RFX3: variants seen among roughly 807,000 people sequenced by gnomAD.
The protein encoded by RFX3 is regulatory factor X3, also known as transcription factor RFX3.
RFX3 carries 14 observed loss-of-function variants against 98.6 expected under a neutral mutation model. The observed-to-expected ratio is 0.14, with a 90% CI of 0.09 to 0.22. The LOEUF (loss-of-function observed/expected upper bound fraction) is 0.22, where lower values mean the gene tolerates loss of function less well. Ranked by LOEUF, RFX3 falls within the 10% of genes least tolerant of loss-of-function variation. RFX3 has a pLI of 1.00. For missense variants in RFX3, 639 were observed against 926.9 expected (o/e 0.69, Z 4.03); for synonymous variants, 383 against 328.4 (o/e 1.17, Z -1.80).
intron 7 of RFX3, among the ~76,000 whole-genome samples, chr9:3,282,508 T>TACA (rs1357665221): frequency 4.0e-5 from 6 of 151,472 alleles, no homozygotes; most frequent in African/African-American, 1.5e-4. Flanking sequence ...AAAATCAGAG[T>TACA]TGTGGGTCAT....
At chr9:3,522,863 T>A (rs1425095633) in intron 1 of RFX3, among the ~76,000 whole-genome samples, 1 of 152,160 alleles carries the variant, frequency 6.6e-6, no homozygotes, top group African/African-American at 2.4e-5. Flanking sequence ...AAATTAACCA[T>A]AATAAATTGT....
chr9:3,259,900 G>T (rs182656874), intron 13 of RFX3, among the ~76,000 whole-genome samples: 1 of 152,074 alleles, frequency 6.6e-6, no homozygotes, highest in Non-Finnish European at 1.5e-5. Context: ...TTAAATAGAA[G>T]TCTCCTTATT....
At chr9:3,501,972 C>G (rs1356782727) in intron 1 of RFX3, among the ~76,000 whole-genome samples, 2 of 151,944 alleles carry the variant, frequency 1.3e-5, no homozygotes. Flanking sequence ...TCACTTTCGG[C>G]CAGGCGCGGT....
chr9:3,342,239 T>C (rs1002038734), intron 3 of RFX3, among the ~76,000 whole-genome samples: 13 of 152,206 alleles, frequency 8.5e-5, no homozygotes, highest in Non-Finnish European at 1.6e-4. Flanking sequence ...TCTCTGGTTC[T>C]ATGCATTTCT....
chr9:3,380,785 T>G (rs533887934), intron 2 of RFX3, among the ~76,000 whole-genome samples: 1 of 152,196 alleles, frequency 6.6e-6, no homozygotes, highest in South Asian at 2.1e-4. Flanking sequence ...GTGAAATAAA[T>G]TGTCTACTTA....
intron 1 of RFX3, among the ~76,000 whole-genome samples, chr9:3,525,506 G>A (rs921951964): frequency 2.7e-4 from 41 of 151,982 alleles, no homozygotes; most frequent in African/African-American, 9.9e-4. Context: ...CAGGGCCGGG[G>A]CCGGCGGGCG....
At chr9:3,501,839 GAGCCACCGTGCCCTGCCCAAAGAAATT>G (rs993858659) in intron 1 of RFX3, among the ~76,000 whole-genome samples, 5 of 151,708 alleles carry the variant, frequency 3.3e-5, no homozygotes, top group South Asian at 2.1e-4. Context: ...TTACAGATGT[GAGCCACCGTGCCCTGCCCAAAGAAATT>G]TTTAATATTA....
intron 3 of RFX3, among the ~76,000 whole-genome samples, chr9:3,337,029 T>C (rs1430539782): frequency 6.6e-6 from 1 of 152,278 alleles, no homozygotes; most frequent in East Asian, 1.9e-4. Flanking sequence ...TTACAGACTA[T>C]TGTAAGAAGT....
chr9:3,510,895 A>T (rs1377408481), intron 1 of RFX3, among the ~76,000 whole-genome samples: 4 of 152,166 alleles, frequency 2.6e-5, no homozygotes, highest in Non-Finnish European at 4.4e-5. Flanking sequence ...CATAATGAAG[A>T]TGTTTCCTAA....
intron 2 of RFX3, among the ~76,000 whole-genome samples, chr9:3,369,860 T>A (rs376433479): frequency 6.6e-6 from 1 of 152,118 alleles, no homozygotes; most frequent in Non-Finnish European, 1.5e-5. Flanking sequence ...CACGGAGTCT[T>A]GATCTGTCGC....
chr9:3,432,054 C>T (rs1844703286), intron 1 of RFX3, among the ~76,000 whole-genome samples: 1 of 152,132 alleles, frequency 6.6e-6, no homozygotes, highest in African/African-American at 2.4e-5. Flanking sequence ...AAGATAAACA[C>T]CAGCTAAGCT....
intron 2 of RFX3, among the ~76,000 whole-genome samples, chr9:3,385,687 T>TAAA (rs1163965329): frequency 8.4e-6 from 1 of 118,684 alleles, no homozygotes. Context: ...CAGCCTGTCT[T>TAAA]AAAAAAAAAA....
At chr9:3,308,309 T>C (rs995438526) in intron 4 of RFX3, among the ~76,000 whole-genome samples, 1 of 152,172 alleles carries the variant, frequency 6.6e-6, no homozygotes, top group East Asian at 1.9e-4. Context: ...TGAGCCATTG[T>C]TGGTTCTCAG....
At chr9:3,463,060 A>T (rs1290668528) in intron 1 of RFX3, among the ~76,000 whole-genome samples, 2 of 152,284 alleles carry the variant, frequency 1.3e-5, no homozygotes, top group Admixed American at 6.5e-5. Flanking sequence ...GTATATGAAA[A>T]TGTAGAGGAC....
chr9:3,353,963 A>T (rs2131286427), intron 2 of RFX3, among the ~76,000 whole-genome samples: 1 of 152,172 alleles, frequency 6.6e-6, no homozygotes, highest in East Asian at 1.9e-4. Context: ...TGAGAAAAAA[A>T]GAAAGAAGCT....
chr9:3,353,696 C>G (rs1835421280), intron 2 of RFX3, among the ~76,000 whole-genome samples: 1 of 152,000 alleles, frequency 6.6e-6, no homozygotes, highest in South Asian at 2.1e-4. Context: ...GTGTAACTGA[C>G]TACCCAAAAC....
chr9:3,470,497 T>C (rs1210786868), intron 1 of RFX3, among the ~76,000 whole-genome samples: 3 of 101,310 alleles, frequency 3.0e-5, no homozygotes, highest in African/African-American at 1.1e-4. Context: ...TCTTTTTTTC[T>C]TTTTTTTTTT....
chr9:3,454,721 G>T (rs1846990896), intron 1 of RFX3, among the ~76,000 whole-genome samples: 1 of 152,048 alleles, frequency 6.6e-6, no homozygotes, highest in African/African-American at 2.4e-5. Context: ...TCCAATAATG[G>T]CTATTATTGA....
At position 3,265,517 on chromosome 9, in the gene RFX3, A is replaced by G. The variant is rs558522756; in HGVS notation, c.1455+691T>C. On this transcript the variant is annotated intron_variant, in intron 12 of 16. Transcript: ENST00000617270. Reference sequence around the variant, plus strand: ...ATACAGTCATTGACAAGAAGTCACAAATGTGATTTCTGTTACCAACATTTA... The same window carrying G: ...ATACAGTCATTGACAAGAAGTCACAGATGTGATTTCTGTTACCAACATTTA... Among the ~76,000 whole-genome samples the G allele has an allele frequency of 1.6e-4, 25 of 152,266 alleles. No individual in the cohort carries two copies. In the South Asian group the frequency reaches 3.1e-3, roughly 19 times the overall value.
Sources: gnomAD v4.1 joint callset for allele counts (sites outside exome capture counted in the v4.1 genomes callset) on GRCh38, gnomAD v4.1.1 for gene constraint, MANE v1.5 for transcripts, NCBI Gene and HGNC (gene_info 2026-07-23, HGNC 2026-07-21) for gene names.